Variants in ABCB4 observed in about 807,000 individuals in gnomAD.
The protein encoded by ABCB4 is phosphatidylcholine translocator ABCB4.
ABCB4 carries 76 observed loss-of-function variants against 145.7 expected under a neutral mutation model. The observed-to-expected ratio is 0.52, with a 90% CI of 0.43 to 0.63. ABCB4 has a LOEUF of 0.63. Among genes scored for constraint, ABCB4 ranks in the 30% least tolerant of loss-of-function variants. ABCB4 has a pLI of 0.00. For missense variants in ABCB4, 1,234 were observed against 1,553.1 expected (o/e 0.79, Z 3.45); for synonymous variants, 517 against 566.8 (o/e 0.91, Z 1.25).
At chr7:87,398,199 G>A (rs1302450348), downstream of ABCB4, 6 of 464,758 alleles carry the variant, frequency 1.3e-5, no homozygotes, top group Non-Finnish European at 2.5e-5. Context: ...ACTCATTCCA[G>A]TAGCACTTTA....
chr7:87,440,465 A>C, intron 12 of ABCB4, 63 bp from the exon 13 acceptor site: 11 of 1,417,236 alleles, frequency 7.8e-6, no homozygotes, highest in Non-Finnish European at 1.1e-5. Context: ...TATCAGGACC[A>C]TTCATGAAAA....
chr7:87,394,093 T>C, the ABCB4 span, among the ~76,000 whole-genome samples: 1 of 152,164 alleles, frequency 6.6e-6, no homozygotes, highest in African/African-American at 2.4e-5. Flanking sequence ...TATGGTGCCA[T>C]TTGCAGTCAA....
At chr7:87,463,676 C>T (rs1227276152) in intron 3 of ABCB4, among the ~76,000 whole-genome samples, 2 of 152,114 alleles carry the variant, frequency 1.3e-5, no homozygotes, top group Non-Finnish European at 2.9e-5. Context: ...TCCTGAAGGG[C>T]ACAGTACAAA....
intron 19 of ABCB4, among the ~76,000 whole-genome samples, chr7:87,418,864 C>T (rs573161452): frequency 5.9e-5 from 9 of 152,286 alleles, no homozygotes; most frequent in African/African-American, 2.2e-4. Flanking sequence ...AGATGGCTGC[C>T]ATGCTCCTTG....
At chr7:87,373,499 C>A in the ABCB4 span, among the ~76,000 whole-genome samples, 5 of 151,990 alleles carry the variant, frequency 3.3e-5, no homozygotes, top group African/African-American at 9.6e-5. Flanking sequence ...ATTGCCTAAT[C>A]TGAGGACATG....
At chr7:87,400,854 C>T (rs1420293030), downstream of ABCB4, among the ~76,000 whole-genome samples, 3 of 152,126 alleles carry the variant, frequency 2.0e-5, no homozygotes, top group African/African-American at 7.2e-5. Flanking sequence ...TAATGAGTTG[C>T]GTATTTTGGA....
the ABCB4 span, among the ~76,000 whole-genome samples, chr7:87,373,581 A>T: frequency 6.6e-6 from 1 of 152,156 alleles, no homozygotes; most frequent in Non-Finnish European, 1.5e-5. Context: ...TAATGTTTAA[A>T]TATACATTTA....
chr7:87,439,397 C>T (rs1810821751), intron 14 of ABCB4, among the ~76,000 whole-genome samples: 1 of 152,028 alleles, frequency 6.6e-6, no homozygotes, highest in East Asian at 1.9e-4. Context: ...AGTAGTCTTG[C>T]AATAGCCCAT....
chr7:87,392,129 T>C, the ABCB4 span, among the ~76,000 whole-genome samples: 6,511 of 152,288 alleles, frequency 0.043, 447 homozygotes, highest in African/African-American at 0.15. Flanking sequence ...TACTCTTTTT[T>C]TTGAAGCATT....
At chr7:87,386,428 G>T in the ABCB4 span, among the ~76,000 whole-genome samples, 1 of 151,960 alleles carries the variant, frequency 6.6e-6, no homozygotes, top group East Asian at 1.9e-4. Flanking sequence ...TTCCTTCTAG[G>T]TTTTCCAATT....
In ABCB4 at chr7:87,435,169, CTGAT is replaced by C. The variant is rs575923578; in HGVS notation, c.1732-3608_1732-3605del. Among the ~76,000 whole-genome samples, 8 of 152,260 alleles carry C rather than the reference CTGAT, an allele frequency of 5.3e-5. No individual in the cohort carries two copies. The South Asian group carries it at 1.7e-3, about 32-fold the overall frequency. ...ATTGTAAGTTAGAGTGACTGGCTAA[CTGAT>C]TGATTGGTATCTTCTTTGGGGACAT... On this transcript the variant is annotated intron_variant, in intron 14 of 27. Coordinates refer to ENST00000649586, the MANE Select transcript of ABCB4 (RefSeq NM_000443.4).
the ABCB4 span, chr7:87,369,389 T>G: frequency 6.2e-7 from 1 of 1,610,642 alleles, no homozygotes; most frequent in African/African-American, 1.3e-5. Context: ...GTGAAGGGCG[T>G]TCCCCAAACC....
rs1808649244 is a variant in ABCB4, at chr7:87,411,884, G to A, written c.2924+9C>T. On this transcript the variant is annotated intron_variant, in intron 23 of 27. Transcript: ENST00000649586. ...ATAGAATAATCTTAATATTTCTAAA[G>A]CTACTTACAGAATAACATCTCTGAA... is the stretch of plus-strand genomic sequence containing the variant. 1 of 1,612,038 alleles carries A rather than the reference G, an allele frequency of 6.2e-7. No homozygotes were observed. Among genetic ancestry groups the A allele is most frequent in the Admixed American group, 1.7e-5 (1 of 59,956 alleles).
At chr7:87,404,917 T>C (rs1304502085) in intron 26 of ABCB4, among the ~76,000 whole-genome samples, 2 of 152,174 alleles carry the variant, frequency 1.3e-5, no homozygotes, top group South Asian at 2.1e-4. Context: ...ACATTGCTGG[T>C]AGGAATGTAA....
chr7:87,472,477 G>T, intron 3 of ABCB4, 144 bp downstream of exon 3: 1 of 708,862 alleles, frequency 1.4e-6, no homozygotes, highest in South Asian at 1.8e-5. Context: ...TCCCACCTCA[G>T]TCTCCCAAAG....
chr7:87,451,665 G>A lies in ABCB4; in HGVS notation c.666C>T (p.Ala222=). ...CAGAGAGTCCTAGAATAGGGCTGAT[G>A]GCCATTATCACAAGGGTGAGCTTCC... The part of the protein sequence containing the change: ...RGWKLTLVIM[A]ISPILGLSAA... The change falls in exon 7 of 28, where the codon GCC becomes GCT. Residue 222 remains alanine, a synonymous_variant. Transcript: ENST00000649586. 6.2e-7 allele frequency: 1 copy of A among 1,614,112 alleles called. No individual in the cohort carries two copies. The highest frequency in any genetic ancestry group is 8.5e-7 in the Non-Finnish European group (1 of 1,180,016).
intron 27 of ABCB4, among the ~76,000 whole-genome samples, chr7:87,402,573 TTGAG>T (rs1163076986): frequency 2.0e-5 from 3 of 152,232 alleles, no homozygotes; most frequent in Non-Finnish European, 2.9e-5. Context: ...TAGTTCCCTT[TTGAG>T]TATTTTCCAG....
chr7:87,472,572 A>G (rs980458469), intron 3 of ABCB4, 49 bp downstream of exon 3: 5 of 1,479,308 alleles, frequency 3.4e-6, no homozygotes, highest in Non-Finnish European at 4.7e-6. Flanking sequence ...CAATACCTCA[A>G]ATTTGAATAA....
chr7:87,376,942 A>C, the ABCB4 span, among the ~76,000 whole-genome samples: 1 of 152,178 alleles, frequency 6.6e-6, no homozygotes. Flanking sequence ...CAAAGTATAC[A>C]GTTTGAAAAA....
Sources: gnomAD v4.1 joint callset for allele counts (sites outside exome capture counted in the v4.1 genomes callset) on GRCh38, gnomAD v4.1.1 for gene constraint, MANE v1.5 for transcripts, NCBI Gene and HGNC (gene_info 2026-07-23, HGNC 2026-07-21) for gene names.